FLII: variants seen among roughly 807,000 people sequenced by gnomAD.
FLII encodes FLII actin remodeling protein, also known as protein flightless-1 homolog.
A neutral mutation model predicts 156.2 loss-of-function variants in FLII; 101 were observed. The observed-to-expected ratio is 0.65, with a 90% CI of 0.55 to 0.76. FLII has a LOEUF of 0.76. Ranked by LOEUF, FLII falls within the 30% of genes least tolerant of loss-of-function variation. FLII has a pLI of 0.00. For synonymous variants in FLII, 767 were observed against 685.8 expected (o/e 1.12, Z -1.85); for missense variants, 1,675 against 1,682.8 (o/e 1.00, Z 0.08).
chr17:18,254,604 C>A lies in FLII; in HGVS notation c.492G>T (p.Glu164Asp), dbSNP rs778449344. 6.2e-7 allele frequency: 1 copy of A among 1,613,800 alleles called. No homozygotes were observed. The highest frequency in any genetic ancestry group is 1.3e-5 in the African/African-American group (1 of 74,882). Residue 164 changes from glutamate to aspartate, a missense_variant, in exon 6 of 30, where the codon GAG becomes GAT. This residue lies in a region of FLII where 343 missense variants were observed against 413.5 expected (regional missense o/e 0.83). Coordinates refer to ENST00000327031, the MANE Select transcript of FLII (RefSeq NM_002018.4). ...LYLDLSENRLESLPPQMRRLV... is the reference protein window; with the variant it reads ...LYLDLSENRLDSLPPQMRRLV... ...GGCGGCGCATCTGCGGGGGCAGGCTCTCCAGGCGGTTCTCGCTGAGGTCCA... is the reference window on the plus strand; with the variant it reads ...GGCGGCGCATCTGCGGGGGCAGGCTATCCAGGCGGTTCTCGCTGAGGTCCA...
Position 18,252,485 on chromosome 17 carries a change from A to C in FLII, c.1085T>G (p.Leu362Arg). The C allele has an allele frequency of 2.5e-6, 4 of 1,613,754 alleles. No homozygotes were observed. The highest frequency in any genetic ancestry group is 3.4e-6 in the Non-Finnish European group (4 of 1,179,978). Residue 362 changes from leucine (L) to arginine (R), a missense_variant, in exon 10 of 30, where the codon CTG (leucine) becomes CGG (arginine). Coordinates refer to ENST00000327031, the MANE Select transcript of FLII (RefSeq NM_002018.4). ...AGCATGCCTGACCTCGATCTCCGTC[A>C]GGAAATGGATGGCTTCTGGGAGGGT... Reference protein sequence around the residue: ...LVTLPEAIHFLTEIEVLDVRE... With the variant: ...LVTLPEAIHFRTEIEVLDVRE...
At chr17:18,247,532 G>T in intron 20 of FLII, 125 bp downstream of exon 20, 1 of 1,082,236 alleles carries the variant, frequency 9.2e-7, no homozygotes, top group Non-Finnish European at 1.3e-6. Context: ...CGGGGCCTGG[G>T]CAGAGTCAGC....
chr17:18,254,522 G>A lies in FLII; in HGVS notation c.574C>T (p.Arg192Trp), dbSNP rs370401968. The A allele has an allele frequency of 1.7e-5, 28 of 1,608,566 alleles. No homozygotes were observed. The highest frequency in any genetic ancestry group is 5.3e-5 in the African/African-American group (4 of 74,856). ...AGTGCGGTCCGAGGGGGCGCCCACC[G>A]GAGCTGTGCATGCAGCAGGGGGTTT... ...NGNPLLHAQL[R>W]QLPAMTALQT... is the part of the protein sequence containing the mutation. Residue 192 changes from arginine to tryptophan, a missense_variant and splice_region_variant, in exon 6 of 30, where the codon CGG becomes TGG. This residue lies in a region of FLII where 343 missense variants were observed against 413.5 expected (regional missense o/e 0.83). Coordinates refer to ENST00000327031, the MANE Select transcript of FLII (RefSeq NM_002018.4).
chr17:18,249,064 GC>G, intron 16 of FLII, 62 bp downstream of exon 16: 1 of 1,471,842 alleles, frequency 6.8e-7, no homozygotes, highest in Non-Finnish European at 9.5e-7. Flanking sequence ...GCCCACACCT[GC>G]CCCCACTGGT....
Position 18,256,553 on chromosome 17 carries a change from C to T in FLII, c.219G>A (p.Gly73=), listed in dbSNP as rs1279609407. The part of the protein sequence containing the change: ...VSHNNLTTLH[G]ELSSLPSLRA... ...GCAGCGATGGCAGGCTGGACAGCTC[C>T]CCATGAAGCGTGGTCAGGTTGTTGT... is the stretch of plus-strand genomic sequence containing the variant. The change falls in exon 3 of 30, where the codon GGG becomes GGA. Residue 73 remains glycine, a synonymous_variant. Coordinates refer to ENST00000327031, the MANE Select transcript of FLII (RefSeq NM_002018.4). 1.3e-6 allele frequency: 2 copies of T among 1,551,700 alleles called. No individual in the cohort carries two copies. Among genetic ancestry groups the T allele is most frequent in the South Asian group, 2.4e-5 (2 of 84,062 alleles).
intron 4 of FLII, 132 bp from the exon 5 acceptor site, chr17:18,254,986 A>G (rs2048374195): frequency 1.0e-6 from 1 of 990,318 alleles, no homozygotes; most frequent in South Asian, 1.3e-5. Context: ...AAAGGGAGAC[A>G]GCCAGGGACT....
In FLII at chr17:18,249,396, C is replaced by G. The variant is rs142586846; in HGVS notation, c.1789G>C (p.Asp597His). ...SEEFLQVFDNDISYIEGGTAS... is the reference protein window; with the variant it reads ...SEEFLQVFDNHISYIEGGTAS... ...GTTCCACCCTCAATGTAGGAGATGTCGTTGTCAAACACCTGTGTGTGTGAG... is the reference window on the plus strand; with the variant it reads ...GTTCCACCCTCAATGTAGGAGATGTGGTTGTCAAACACCTGTGTGTGTGAG... Residue 597 changes from aspartate to histidine, a missense_variant, in exon 15 of 30, where the codon GAC becomes CAC. Coordinates refer to ENST00000327031, the MANE Select transcript of FLII (RefSeq NM_002018.4). 6.2e-7 allele frequency: 1 copy of G among 1,613,966 alleles called. No homozygotes were observed. The highest frequency in any genetic ancestry group is 1.1e-5 in the South Asian group (1 of 91,082).
In FLII at chr17:18,247,059, G is replaced by A. The variant is rs1193376832; in HGVS notation, c.2677-7C>T. On this transcript the variant is annotated splice_polypyrimidine_tract_variant and splice_region_variant and intron_variant, in intron 21 of 29. Transcript: ENST00000327031. ...CCTCCATCAGCTGCTCCGCCTGCAG[G>A]TGAGAGGGACCCGCCCCGCGGCAGG... is the stretch of plus-strand genomic sequence containing the variant. The A allele has an allele frequency of 3.7e-6, 6 of 1,612,122 alleles. No individual in the cohort carries two copies. The highest frequency in any genetic ancestry group is 5.1e-6 in the Non-Finnish European group (6 of 1,179,978).
In FLII at chr17:18,250,906, T is replaced by C. The variant is rs1001211240; in HGVS notation, c.1708A>G (p.Asn570Asp). 6.2e-7 allele frequency: 1 copy of C among 1,614,036 alleles called. No individual in the cohort carries two copies. The highest frequency in any genetic ancestry group is 8.5e-7 in the Non-Finnish European group (1 of 1,180,000). ...CSAIHAVNLRNYLGAECRTVR... is the reference protein window; with the variant it reads ...CSAIHAVNLRDYLGAECRTVR... ...GTGCGGCACTCAGCACCCAGGTAGT[T>C]GCGCAAGTTGACAGCGTGGATGGCA... is the stretch of plus-strand genomic sequence containing the variant. Residue 570 changes from asparagine (N) to aspartate (D), a missense_variant, in exon 14 of 30, where the codon AAC becomes GAC. Asn to Asp is a conservative substitution (Grantham distance 23). This residue lies in a region of FLII where 1,332 missense variants were observed against 1,269.3 expected (regional missense o/e 1.05). Transcript: ENST00000327031.
In FLII at chr17:18,254,506, C is replaced by G; in HGVS notation, c.575+15G>C. ...GGGTGGCTTCTGCAGGAGTGCGGTC[C>G]GAGGGGGCGCCCACCGGAGCTGTGC... On this transcript the variant is annotated intron_variant, in intron 6 of 29. Transcript: ENST00000327031. 2 of 1,597,832 alleles carry G rather than the reference C, an allele frequency of 1.3e-6. No homozygotes were observed. The highest frequency in any genetic ancestry group is 1.7e-6 in the Non-Finnish European group (2 of 1,174,164).
rs1451960636 is a variant in FLII, at chr17:18,251,028, A to C, written c.1597-11T>G. On this transcript the variant is annotated splice_polypyrimidine_tract_variant and intron_variant, in intron 13 of 29. Transcript: ENST00000327031. ...GTCATCCAGAAAGGTCTGGAAGCCA[A>C]GGCACCGGCCACATCAGCTTTCATC... 6.2e-7 allele frequency: 1 copy of C among 1,610,192 alleles called. No homozygotes were observed. Among genetic ancestry groups the C allele is most frequent in the East Asian group, 2.2e-5 (1 of 44,842 alleles).
At chr17:18,256,675 A>C (rs1403244509) in intron 2 of FLII, 78 bp from the exon 3 acceptor site, 1 of 1,319,744 alleles carries the variant, frequency 7.6e-7, no homozygotes, top group Non-Finnish European at 1.1e-6. Flanking sequence ...ACAACTCTGC[A>C]CCATCCAGGA....
In FLII at chr17:18,251,834, C is replaced by T. The variant is rs2048279268; in HGVS notation, c.1247-18G>A. On this transcript the variant is annotated intron_variant, in intron 11 of 29. Coordinates refer to ENST00000327031, the MANE Select transcript of FLII (RefSeq NM_002018.4). The stretch of plus-strand genomic sequence containing the variant: ...ACTCCCTGCTTAGGGGAGGGGCAAA[C>T]AGCTGAGCCCTCACTGGGCCTGCTG... 4 of 1,613,152 alleles carry T rather than the reference C, an allele frequency of 2.5e-6. No homozygotes were observed. The highest frequency in any genetic ancestry group is 2.2e-5 in the East Asian group (1 of 44,878).
rs1159466417 is a variant in FLII, at chr17:18,258,382, G to GCTCCCGGCCGGT, written c.63+245_63+246insACCGGCCGGGAG. 9.0e-7 allele frequency: 1 copy of GCTCCCGGCCGGT among 1,113,298 alleles called. No homozygotes were observed. The highest frequency in any genetic ancestry group is 1.3e-6 in the Non-Finnish European group (1 of 799,312). 69.0% of individuals were successfully genotyped at this position (1,113,298 alleles called of 1,614,324 possible). On this transcript the variant is annotated intron_variant, in intron 1 of 29. Coordinates refer to ENST00000327031, the MANE Select transcript of FLII (RefSeq NM_002018.4). This position sits in a 1 kb window ranked among gnomAD's most constrained non-coding sequence, Gnocchi z 4.2. ...ACGCGGGGTGGGGGCTCCCGGCCGGGCCCCCGGCGGGACTCCGAGCCCAAG... is the reference window on the plus strand; with the variant it reads ...ACGCGGGGTGGGGGCTCCCGGCCGGGCTCCCGGCCGGTCCCCCGGCGGGACTCCGAGCCCAAG...
chr17:18,255,635 A>G (rs1172202870), intron 3 of FLII, among the ~76,000 whole-genome samples: 1 of 152,112 alleles, frequency 6.6e-6, no homozygotes, highest in East Asian at 1.9e-4. Flanking sequence ...ATCTGGATGG[A>G]GAGGAAGTCT....
Position 18,251,299 on chromosome 17 carries a change from T to C in FLII, c.1562A>G (p.Lys521Arg). 2 of 1,613,990 alleles carry C rather than the reference T, an allele frequency of 1.2e-6. No individual in the cohort carries two copies. The highest frequency in any genetic ancestry group is 8.5e-7 in the Non-Finnish European group (1 of 1,180,026). Reference sequence around the variant, plus strand: ...AATGTAGCAGTCAGCCTCGTAGAACTTGCCGTGGAAGGCTTCCTCCACCAG... The same window carrying C: ...AATGTAGCAGTCAGCCTCGTAGAACCTGCCGTGGAAGGCTTCCTCCACCAG... The part of the protein sequence containing the change: ...PVLVEEAFHG[K>R]FYEADCYIVL... The change falls in exon 13 of 30, where the codon AAG becomes AGG. Residue 521 changes from lysine to arginine, a missense_variant. Physicochemically the swap from Lys to Arg is conservative, Grantham distance 26. Transcript: ENST00000327031.
rs2048179953 is a variant in FLII at position 18,249,143 on chromosome 17, T to A, written c.1918A>T (p.Thr640Ser). 12 of 1,613,890 alleles carry A rather than the reference T, an allele frequency of 7.4e-6. No homozygotes were observed. The highest frequency in any genetic ancestry group is 1.0e-5 in the Non-Finnish European group (12 of 1,179,900). The change falls in exon 16 of 30, where the codon ACC becomes TCC. Residue 640 changes from threonine to serine, a missense_variant. Transcript: ENST00000327031. The part of the protein sequence containing the change: ...IKLEPVPLKG[T>S]SLDPRFVFLL... ...GGGGCTCACCTTGGGTCCAGAGAGG[T>A]CCCCTTGAGGGGCACAGGCTCCAAC...
At chr17:18,249,047 C>G in intron 16 of FLII, 80 bp downstream of exon 16, 1 of 1,425,184 alleles carries the variant, frequency 7.0e-7, no homozygotes. Context: ...GCCTCCTCTT[C>G]TAAGAGGCCC....
intron 21 of FLII, 36 bp downstream of exon 21, chr17:18,247,133 C>T (rs528907327): frequency 3.1e-5 from 22 of 703,288 alleles, no homozygotes; most frequent in Non-Finnish European, 4.0e-5. Flanking sequence ...GCCCCCCACC[C>T]CCCCCCCCGC....
Sources: allele counts gnomAD v4.1 joint callset (sites outside exome capture counted in the v4.1 genomes callset), GRCh38; gene constraint gnomAD v4.1.1; regional missense constraint gnomAD v4.1.1; non-coding constraint Gnocchi (gnomAD v3.1); transcripts MANE v1.5; gene names NCBI Gene and HGNC (gene_info 2026-07-23, HGNC 2026-07-21).